FOXP1: variants seen among roughly 807,000 people sequenced by gnomAD.
FOXP1 encodes forkhead box P1.
Under a neutral mutation model 98.2 loss-of-function variants are expected in FOXP1, and 15 were observed. That is an observed-to-expected ratio of 0.15 (90% confidence interval 0.10 to 0.24). The LOEUF (loss-of-function observed/expected upper bound fraction) is 0.24, where lower values mean the gene tolerates loss of function less well. Ranked by LOEUF, FOXP1 falls within the 10% of genes least tolerant of loss-of-function variation. The pLI, the probability that FOXP1 is intolerant of heterozygous loss-of-function variation, is 1.00. For missense variants in FOXP1, 633 were observed against 848.5 expected, an observed-to-expected ratio of 0.75 and a Z score of 3.15; for synonymous variants, 371 against 314.5, an observed-to-expected ratio of 1.18 and a Z score of -1.90.
chr3:71,556,789 A>C (rs969270187), intron 2 of FOXP1, among the ~76,000 whole-genome samples: 1 of 152,122 alleles, frequency 6.6e-6, no homozygotes, highest in Admixed American at 6.6e-5. Flanking sequence ...ATTCACTTAC[A>C]AAATTTATCC....
intron 2 of FOXP1, among the ~76,000 whole-genome samples, chr3:71,522,370 T>A (rs1209989283): frequency 6.6e-6 from 1 of 152,168 alleles, no homozygotes; most frequent in Non-Finnish European, 1.5e-5. Context: ...TTTCCTGTGA[T>A]GGTGTTTTCC....
intron 5 of FOXP1, among the ~76,000 whole-genome samples, chr3:71,281,167 C>G (rs970926218): frequency 6.6e-6 from 1 of 151,530 alleles, no homozygotes; most frequent in Non-Finnish European, 1.5e-5. Context: ...GAGTTCAAGG[C>G]TGCAGTGAGC....
At chr3:71,515,446 A>AT (rs1487789558) in intron 2 of FOXP1, among the ~76,000 whole-genome samples, 1 of 144,446 alleles carries the variant, frequency 6.9e-6, no homozygotes, top group Non-Finnish European at 1.6e-5. Context: ...AAAAAAAAAA[A>AT]AAAAAAACTG....
chr3:71,481,403 T>C (rs2090269712), intron 3 of FOXP1, among the ~76,000 whole-genome samples: 1 of 152,232 alleles, frequency 6.6e-6, no homozygotes, highest in African/African-American at 2.4e-5. Context: ...TTACCACATG[T>C]AGATGTTCAC....
At chr3:71,061,698 T>C (rs1252707070) in intron 7 of FOXP1, among the ~76,000 whole-genome samples, 1 of 152,226 alleles carries the variant, frequency 6.6e-6, no homozygotes, top group African/African-American at 2.4e-5. Context: ...AATGATGAAC[T>C]ACCTGAAGTG....
At chr3:71,177,567 C>A (rs1346819750) in intron 6 of FOXP1, among the ~76,000 whole-genome samples, 4 of 152,110 alleles carry the variant, frequency 2.6e-5, no homozygotes, top group Non-Finnish European at 4.4e-5. Context: ...GCTCTGGAGT[C>A]GGGCAGATGT....
chr3:71,394,500 G>A (rs574440125), intron 3 of FOXP1, among the ~76,000 whole-genome samples: 7 of 152,162 alleles, frequency 4.6e-5, no homozygotes, highest in African/African-American at 9.6e-5. Flanking sequence ...GGTTTCTCCC[G>A]GTAAGATATA....
intron 6 of FOXP1, among the ~76,000 whole-genome samples, chr3:71,136,416 T>TA (rs1278082113): frequency 2.0e-5 from 3 of 152,214 alleles, no homozygotes; most frequent in Non-Finnish European, 4.4e-5. Context: ...CCAAGTCAAT[T>TA]ACGCCTTTCA....
chr3:71,316,802 C>G (rs542127344), intron 4 of FOXP1, among the ~76,000 whole-genome samples: 3 of 151,890 alleles, frequency 2.0e-5, no homozygotes, highest in Non-Finnish European at 2.9e-5. Flanking sequence ...GGACTACAGG[C>G]GCCTGCCACC....
chr3:71,169,591 A>T (rs931811677), intron 6 of FOXP1, among the ~76,000 whole-genome samples: 1 of 151,964 alleles, frequency 6.6e-6, no homozygotes, highest in Non-Finnish European at 1.5e-5. Context: ...TGCACCTTTT[A>T]TCTTTCCTTC....
At chr3:71,363,127 T>TAAA (rs61474468) in intron 3 of FOXP1, among the ~76,000 whole-genome samples, 4 of 147,584 alleles carry the variant, frequency 2.7e-5, no homozygotes, top group African/African-American at 9.9e-5. Flanking sequence ...TGAATAACTT[T>TAAA]AAAAAAAAAA....
chr3:71,400,286 T>TAA (rs1560430353), intron 3 of FOXP1, among the ~76,000 whole-genome samples: 1 of 152,312 alleles, frequency 6.6e-6, no homozygotes, highest in Non-Finnish European at 1.5e-5. Flanking sequence ...TTCATGGACT[T>TAA]AATCTGATAA....
At chr3:70,972,705 T>G in intron 17 of FOXP1, 29 bp from the exon 18 acceptor site, 1 of 1,611,984 alleles carries the variant, frequency 6.2e-7, no homozygotes. Context: ...AGAGAACATT[T>G]ACATTTTCTA....
intron 2 of FOXP1, among the ~76,000 whole-genome samples, chr3:71,529,973 G>A (rs1205526282): frequency 6.6e-6 from 1 of 152,238 alleles, no homozygotes; most frequent in South Asian, 2.1e-4. Context: ...AGAAGCATAG[G>A]TGACAACATG....
At chr3:70,975,141 C>T (rs958552229) in intron 17 of FOXP1, among the ~76,000 whole-genome samples, 6 of 152,082 alleles carry the variant, frequency 3.9e-5, no homozygotes, top group Admixed American at 6.5e-5. Flanking sequence ...GTTTGCAAAA[C>T]GAAAAAGTGC....
At chr3:71,090,654 G>A (rs923914639) in intron 7 of FOXP1, among the ~76,000 whole-genome samples, 3 of 152,188 alleles carry the variant, frequency 2.0e-5, no homozygotes, top group Non-Finnish European at 4.4e-5. Context: ...CCTTAAGAGT[G>A]CAGGGAAGAA....
intron 2 of FOXP1, among the ~76,000 whole-genome samples, chr3:71,522,272 A>T (rs2043050525): frequency 6.6e-6 from 1 of 152,138 alleles, no homozygotes; most frequent in South Asian, 2.1e-4. Context: ...ATTTTTTCAT[A>T]ATATTCCTAT....
chr3:71,419,698 C>A (rs1163909488), intron 3 of FOXP1, among the ~76,000 whole-genome samples: 2 of 152,068 alleles, frequency 1.3e-5, no homozygotes, highest in Non-Finnish European at 2.9e-5. Flanking sequence ...GCTGCAAGTA[C>A]CCCGGGTGGT....
At chr3:71,063,762 G>A (rs181196660) in intron 7 of FOXP1, among the ~76,000 whole-genome samples, 250 of 152,228 alleles carry the variant, frequency 1.6e-3, no homozygotes, top group Non-Finnish European at 1.1e-3. Flanking sequence ...TTTAAAATTG[G>A]TTTGATTAGA....
Sources: gnomAD v4.1 joint callset for allele counts (sites outside exome capture counted in the v4.1 genomes callset) on GRCh38, gnomAD v4.1.1 for gene constraint, MANE v1.5 for transcripts, NCBI Gene and HGNC (gene_info 2026-07-23, HGNC 2026-07-21) for gene names.